Variants in ATP8A1 observed in about 807,000 individuals in gnomAD.
ATP8A1 encodes phospholipid-transporting ATPase IA.
ATP8A1 carries 90 observed loss-of-function variants against 177.7 expected under a neutral mutation model. The observed-to-expected ratio is 0.51, with a 90% CI of 0.43 to 0.60. ATP8A1 has a LOEUF of 0.60. ATP8A1 is among the 20% of genes least tolerant of loss of function. ATP8A1 has a pLI of 0.00. For missense variants in ATP8A1, 1,072 were observed against 1,392.8 expected (o/e 0.77, Z 3.67); for synonymous variants, 493 against 485.9 (o/e 1.01, Z -0.19).
chr4:42,622,144 G>C (rs1737528023), intron 4 of ATP8A1, among the ~76,000 whole-genome samples: 2 of 152,052 alleles, frequency 1.3e-5, no homozygotes, highest in Non-Finnish European at 2.9e-5. Context: ...GGGAGGCCAA[G>C]GTGGGTGGAT....
chr4:42,459,299 T>C (rs568858490), intron 27 of ATP8A1: 1 of 170,788 alleles, frequency 5.9e-6, no homozygotes. Flanking sequence ...GGACAGGGCA[T>C]GAAGATTGTT....
chr4:42,546,240 G>A (rs960839249), intron 19 of ATP8A1, among the ~76,000 whole-genome samples: 6 of 151,712 alleles, frequency 4.0e-5, no homozygotes, highest in Non-Finnish European at 7.4e-5. Context: ...CTCTGTTCTC[G>A]CCCCGCAGCC....
At chr4:42,537,593 C>T (rs1727979747) in intron 20 of ATP8A1, among the ~76,000 whole-genome samples, 1 of 152,156 alleles carries the variant, frequency 6.6e-6, no homozygotes, top group African/African-American at 2.4e-5. Context: ...TTAATGCACA[C>T]AAACCAGTAG....
chr4:42,483,391 A>AC (rs1008033076), intron 25 of ATP8A1, among the ~76,000 whole-genome samples: 4 of 151,822 alleles, frequency 2.6e-5, no homozygotes, highest in African/African-American at 7.3e-5. Flanking sequence ...AAAAAAAAAA[A>AC]AACCTTAAAA....
intron 23 of ATP8A1, among the ~76,000 whole-genome samples, chr4:42,505,456 T>C (rs183080077): frequency 2.0e-5 from 3 of 152,342 alleles, no homozygotes; most frequent in Admixed American, 2.0e-4. Flanking sequence ...TGTTTTATCA[T>C]ATTTGTGTTT....
chr4:42,433,654 A>C (rs780815052), intron 33 of ATP8A1, among the ~76,000 whole-genome samples: 1 of 152,178 alleles, frequency 6.6e-6, no homozygotes, highest in Non-Finnish European at 1.5e-5. Context: ...ACAAACAAAC[A>C]AACAAACACA....
At chr4:42,579,445 T>C (rs552205043) in intron 11 of ATP8A1, among the ~76,000 whole-genome samples, 23 of 148,410 alleles carry the variant, frequency 1.5e-4, no homozygotes, top group Non-Finnish European at 3.0e-4. Flanking sequence ...AATATATATT[T>C]AAATATATAT....
At chr4:42,466,102 T>G (rs1719736620) in intron 25 of ATP8A1, among the ~76,000 whole-genome samples, 1 of 144,242 alleles carries the variant, frequency 6.9e-6, no homozygotes, top group Non-Finnish European at 1.5e-5. Flanking sequence ...AAAGACAGAA[T>G]GCATAACACA....
chr4:42,644,021 C>A (rs1371790969), intron 1 of ATP8A1, among the ~76,000 whole-genome samples: 1 of 152,162 alleles, frequency 6.6e-6, no homozygotes, highest in Non-Finnish European at 1.5e-5. Context: ...TGGTACTGAG[C>A]AGACCAAAAA....
chr4:42,593,172 G>A (rs1414866375), intron 6 of ATP8A1, among the ~76,000 whole-genome samples: 1 of 152,034 alleles, frequency 6.6e-6, no homozygotes, highest in African/African-American at 2.4e-5. Flanking sequence ...CCTAAAGAGA[G>A]CTCTTTCTAG....
intron 22 of ATP8A1, among the ~76,000 whole-genome samples, chr4:42,513,568 T>A (rs578014974): frequency 6.6e-6 from 1 of 152,208 alleles, no homozygotes; most frequent in East Asian, 1.9e-4. Flanking sequence ...AGAAATTACA[T>A]GTACAAAGAC....
chr4:42,583,725 C>T (rs1480603373), intron 9 of ATP8A1, among the ~76,000 whole-genome samples: 2 of 152,148 alleles, frequency 1.3e-5, no homozygotes, highest in Admixed American at 6.6e-5. Flanking sequence ...TCACTGTAAA[C>T]CCCAAAAGTG....
At chr4:42,428,433 T>A (rs781455257) in intron 33 of ATP8A1, among the ~76,000 whole-genome samples, 23 of 152,198 alleles carry the variant, frequency 1.5e-4, no homozygotes, top group Admixed American at 3.9e-4. Flanking sequence ...CTGGGCCCTA[T>A]TCCTGAATTG....
chr4:42,440,208 C>A (rs1245368267), intron 33 of ATP8A1, among the ~76,000 whole-genome samples: 1 of 152,218 alleles, frequency 6.6e-6, no homozygotes, highest in Non-Finnish European at 1.5e-5. Flanking sequence ...GCCCTCCGGG[C>A]CCCACACACC....
rs554094827 is a variant in ATP8A1 at position 42,587,740 on chromosome 4, G to A, written c.594+520C>T. On this transcript the variant is annotated intron_variant, in intron 8 of 36. Coordinates refer to ENST00000381668, the MANE Select transcript of ATP8A1 (RefSeq NM_006095.2). ...TCCTGCCTCAGCCTCCCGAGTAGCT[G>A]GTACTACAGGCGCCCGCCACCATGC... Among the ~76,000 whole-genome samples, 6 of 151,978 alleles carry A rather than the reference G, an allele frequency of 3.9e-5. No individual in the cohort carries two copies. In the East Asian group the frequency reaches 1.2e-3, roughly 30 times the overall value.
At chr4:42,608,825 C>T (rs780808853) in intron 5 of ATP8A1, among the ~76,000 whole-genome samples, 3 of 152,146 alleles carry the variant, frequency 2.0e-5, no homozygotes, top group African/African-American at 4.8e-5. Context: ...ATAGCTGAGA[C>T]TATGGCTTTG....
At chr4:42,576,475 C>CAAAAAAAAAAAAAAAAAAAAAAAA (rs1159794343) in intron 12 of ATP8A1, among the ~76,000 whole-genome samples, 2 of 32,400 alleles carry the variant, frequency 6.2e-5, no homozygotes, top group Admixed American at 6.0e-4. Context: ...GACGCCGTCT[C>CAAAAAAAAAAAAAAAAAAAAAAAA]AAAAAAAAAA....
chr4:42,564,120 GT>G (rs1731122052), intron 15 of ATP8A1, among the ~76,000 whole-genome samples: 1 of 152,156 alleles, frequency 6.6e-6, no homozygotes, highest in Non-Finnish European at 1.5e-5. Flanking sequence ...GAAAATTGAG[GT>G]TTGGAAACCT....
chr4:42,537,147 CA>C (rs375397881), intron 20 of ATP8A1, among the ~76,000 whole-genome samples: 1 of 125,990 alleles, frequency 7.9e-6, no homozygotes, highest in Non-Finnish European at 1.6e-5. Flanking sequence ...AAAAAAAAAA[CA>C]AAAAAACCAA....
Sources: allele counts gnomAD v4.1 joint callset (sites outside exome capture counted in the v4.1 genomes callset), GRCh38; gene constraint gnomAD v4.1.1; transcripts MANE v1.5; gene names NCBI Gene and HGNC (gene_info 2026-07-23, HGNC 2026-07-21).